SHANK2: variants seen among roughly 807,000 people sequenced by gnomAD.
SHANK2 encodes SH3 and multiple ankyrin repeat domains 2, also known as SH3 and multiple ankyrin repeat domains protein 2.
SHANK2 carries 43 observed loss-of-function variants against 133.7 expected under a neutral mutation model. The ratio of observed to expected loss-of-function variants is 0.32; its 90% CI spans 0.25 to 0.41. The LOEUF (loss-of-function observed/expected upper bound fraction) is 0.41. Among genes scored for constraint, SHANK2 ranks in the 10% least tolerant of loss-of-function variants. The pLI is 1.00. For missense variants in SHANK2, 1,994 were observed against 2,235.8 expected (o/e 0.89, Z 2.18); for synonymous variants, 1,017 against 952.8 (o/e 1.07, Z -1.24).
intron 2 of SHANK2, among the ~76,000 whole-genome samples, chr11:71,182,599 T>G (rs1159230494): frequency 6.6e-6 from 1 of 152,204 alleles, no homozygotes; most frequent in African/African-American, 2.4e-5. Context: ...TGTCTGTGTC[T>G]GAATTCCTCC....
intron 6 of SHANK2, among the ~76,000 whole-genome samples, chr11:71,100,529 CTG>C (rs1951700614): frequency 6.6e-6 from 1 of 152,200 alleles, no homozygotes; most frequent in Admixed American, 6.5e-5. Context: ...AGGCTGCATG[CTG>C]TGTGATTCCA....
intron 11 of SHANK2, chr11:70,826,633 C>T: frequency 4.5e-6 from 2 of 448,114 alleles, no homozygotes; most frequent in Non-Finnish European, 9.2e-6. Flanking sequence ...GGTGTCTGGG[C>T]ACGGTGCACT....
At chr11:70,770,987 C>T (rs553302700) in intron 14 of SHANK2, among the ~76,000 whole-genome samples, 46 of 127,306 alleles carry the variant, frequency 3.6e-4, no homozygotes, top group African/African-American at 1.4e-3. Flanking sequence ...TGCAGTGGTG[C>T]AATCTTGGTT....
intron 2 of SHANK2, among the ~76,000 whole-genome samples, chr11:71,172,888 G>A (rs1046296577): frequency 5.9e-5 from 9 of 152,238 alleles, no homozygotes; most frequent in Non-Finnish European, 1.0e-4. Flanking sequence ...TCCCATGTGA[G>A]AACGTGATCA....
chr11:70,836,041 C>A (rs1454677074), intron 11 of SHANK2, among the ~76,000 whole-genome samples: 1 of 152,206 alleles, frequency 6.6e-6, no homozygotes, highest in African/African-American at 2.4e-5. Context: ...AGAGAGCCCA[C>A]CAAGGTGCAG....
intron 7 of SHANK2, among the ~76,000 whole-genome samples, chr11:71,092,856 C>T (rs1951542089): frequency 6.6e-6 from 1 of 152,118 alleles, no homozygotes; most frequent in Admixed American, 6.5e-5. Context: ...GCCTGGCCAA[C>T]ATGGCAAAAC....
intron 14 of SHANK2, among the ~76,000 whole-genome samples, chr11:70,713,506 G>A (rs960201868): frequency 6.6e-5 from 10 of 152,236 alleles, no homozygotes; most frequent in African/African-American, 2.4e-4. Context: ...CTTCATGTAC[G>A]GAGCCGAGGG....
chr11:70,596,121 C>T (rs1482494242), intron 17 of SHANK2, among the ~76,000 whole-genome samples: 1 of 152,246 alleles, frequency 6.6e-6, no homozygotes, highest in South Asian at 2.1e-4. Context: ...ATTCTGGCCT[C>T]TAGAGCTGCA....
At chr11:70,656,294 G>C (rs536109191) in intron 17 of SHANK2, among the ~76,000 whole-genome samples, 1 of 152,138 alleles carries the variant, frequency 6.6e-6, no homozygotes, top group South Asian at 2.1e-4. Flanking sequence ...AACCAGTTTG[G>C]ACTGGGTTTC....
At chr11:70,601,093 C>A (rs190903911) in intron 17 of SHANK2, among the ~76,000 whole-genome samples, 1 of 151,160 alleles carries the variant, frequency 6.6e-6, no homozygotes, top group East Asian at 2.0e-4. Flanking sequence ...TGCTCTGATG[C>A]CCAGGCTGAG....
intron 8 of SHANK2, among the ~76,000 whole-genome samples, chr11:71,081,836 C>T (rs1230910066): frequency 2.0e-5 from 3 of 152,340 alleles, no homozygotes; most frequent in South Asian, 2.1e-4. Context: ...CACAGAGGCT[C>T]GGCCGCTCGT....
intron 2 of SHANK2, among the ~76,000 whole-genome samples, chr11:71,218,024 G>A (rs1406402330): frequency 6.6e-6 from 1 of 150,928 alleles, no homozygotes; most frequent in Non-Finnish European, 1.5e-5. Flanking sequence ...CTAATTTTTT[G>A]TATTTTTAGA....
At chr11:70,760,001 C>T (rs1946957055) in intron 14 of SHANK2, among the ~76,000 whole-genome samples, 1 of 152,242 alleles carries the variant, frequency 6.6e-6, no homozygotes, top group African/African-American at 2.4e-5. Context: ...TTCCAGCCTC[C>T]AGAACTATGA....
chr11:70,643,567 GAAAAAAAA>G (rs536391581), intron 17 of SHANK2, among the ~76,000 whole-genome samples: 1 of 92,302 alleles, frequency 1.1e-5, no homozygotes, highest in Non-Finnish European at 2.3e-5. Flanking sequence ...CTCCGTCTCG[GAAAAAAAA>G]AAAAAAAAAA....
intron 14 of SHANK2, among the ~76,000 whole-genome samples, chr11:70,734,780 G>A (rs1207758019): frequency 6.6e-6 from 1 of 152,232 alleles, no homozygotes; most frequent in East Asian, 1.9e-4. Context: ...CCACAGGAAT[G>A]GCTGCTGGCC....
intron 8 of SHANK2, among the ~76,000 whole-genome samples, chr11:71,086,171 A>T (rs1173301828): frequency 4.7e-4 from 5 of 10,742 alleles, no homozygotes; most frequent in Non-Finnish European, 7.4e-4. Context: ...AAATTATATA[A>T]TATATTATGT....
At position 71,118,979 on chromosome 11, in the gene SHANK2, G is replaced by A; in HGVS notation, c.261C>T (p.Ile87=). 3 of 1,551,762 alleles carry A rather than the reference G, an allele frequency of 1.9e-6. No individual in the cohort carries two copies. The highest frequency in any genetic ancestry group is 2.6e-6 in the Non-Finnish European group (3 of 1,147,002). The change falls in exon 4 of 26, where the codon ATC becomes ATT. Residue 87 remains isoleucine (I), a synonymous_variant. Transcript: ENST00000601538. ...TCAAACTCTGGGTTAATGTACACAGGATCCGCTGCTTTGCAACCCACACTG... is the reference window on the plus strand; with the variant it reads ...TCAAACTCTGGGTTAATGTACACAGAATCCGCTGCTTTGCAACCCACACTG... ...DATVWVAKQR[I]LCTLTQSLKD...
Position 70,711,712 on chromosome 11 carries a change from A to T in SHANK2, c.1778-12949T>A, listed in dbSNP as rs1945788144. On this transcript the variant is annotated intron_variant, in intron 14 of 25. Transcript: ENST00000601538. ...GGACCCTGGCTCTCAGAACTACCCA[A>T]CTGAGAGGCACAGAGCTTTGATTTG... Among the ~76,000 whole-genome samples the T allele has an allele frequency of 2.0e-5, 3 of 152,214 alleles. No individual in the cohort carries two copies. The South Asian group carries it at 6.2e-4, about 32-fold the overall frequency.
At chr11:71,231,035 A>C (rs1284894965) in intron 1 of SHANK2, among the ~76,000 whole-genome samples, 1 of 152,258 alleles carries the variant, frequency 6.6e-6, no homozygotes, top group Non-Finnish European at 1.5e-5. Flanking sequence ...CAATGTAAAA[A>C]GCACAATCCA....
Sources: gnomAD v4.1 joint callset for allele counts (sites outside exome capture counted in the v4.1 genomes callset) on GRCh38, gnomAD v4.1.1 for gene constraint, MANE v1.5 for transcripts, NCBI Gene and HGNC (gene_info 2026-07-23, HGNC 2026-07-21) for gene names.